ATRNL1: variants seen among roughly 807,000 people sequenced by gnomAD.
The protein encoded by ATRNL1 is attractin-like protein 1.
Under a neutral mutation model 182.7 loss-of-function variants are expected in ATRNL1, and 95 were observed. The observed-to-expected ratio is 0.52, with a 90% CI of 0.44 to 0.62. The LOEUF (loss-of-function observed/expected upper bound fraction) is 0.62, where lower values mean the gene tolerates loss of function less well. Ranked by LOEUF, ATRNL1 falls within the 20% of genes least tolerant of loss-of-function variation. The probability of loss-of-function intolerance (pLI) is 0.00; values close to 1 mark genes in which losing one functional copy is unlikely to be tolerated. For synonymous variants in ATRNL1, 576 were observed against 568.3 expected, an observed-to-expected ratio of 1.01 and a Z score of -0.19; for missense variants, 1,471 against 1,679.5, an observed-to-expected ratio of 0.88 and a Z score of 2.17.
At chr10:115,693,514 A>G (rs1946458013) in intron 26 of ATRNL1, among the ~76,000 whole-genome samples, 1 of 152,148 alleles carries the variant, frequency 6.6e-6, no homozygotes. Context: ...CAAGATTAAA[A>G]ACGCTATACA....
chr10:115,558,759 C>A (rs1320308493), intron 26 of ATRNL1, among the ~76,000 whole-genome samples: 1 of 152,132 alleles, frequency 6.6e-6, no homozygotes, highest in Non-Finnish European at 1.5e-5. Context: ...CTTAAGTTCC[C>A]TGTCTGCAGA....
chr10:115,513,978 C>A (rs781890305), intron 24 of ATRNL1, among the ~76,000 whole-genome samples: 4 of 151,846 alleles, frequency 2.6e-5, no homozygotes, highest in Non-Finnish European at 4.4e-5. Context: ...CTCTGAGTGT[C>A]CCTTGCATCA....
chr10:115,321,200 C>G (rs1554931376), intron 18 of ATRNL1, among the ~76,000 whole-genome samples: 1 of 152,070 alleles, frequency 6.6e-6, no homozygotes. Context: ...CCCTATTCAT[C>G]TGCTTCGCTC....
At chr10:115,553,574 T>C (rs781830151) in intron 26 of ATRNL1, among the ~76,000 whole-genome samples, 11 of 151,432 alleles carry the variant, frequency 7.3e-5, no homozygotes, top group Non-Finnish European at 1.6e-4. Flanking sequence ...CATAATACCC[T>C]ATCTCCCTGC....
At chr10:115,102,184 A>AT (rs1297426320) in intron 1 of ATRNL1, among the ~76,000 whole-genome samples, 1 of 152,172 alleles carries the variant, frequency 6.6e-6, no homozygotes, top group Non-Finnish European at 1.5e-5. Flanking sequence ...AAACTATGTT[A>AT]TTAGGTGCAT....
rs1380139709 is a variant in ATRNL1, at chr10:115,549,393, A to G, written c.3717-65A>G. On this transcript the variant is annotated intron_variant, in intron 25 of 28. Coordinates refer to ENST00000355044, the MANE Select transcript of ATRNL1 (RefSeq NM_207303.4). ...ATATATGTATTTGAGTCTTTCATGT[A>G]CTGTTTTTTCATTACATAGTTCAAA... 6.8e-6 allele frequency: 8 copies of G among 1,168,786 alleles called. No homozygotes were observed. In the Admixed American group the frequency reaches 1.8e-4, roughly 26 times the overall value. 72.4% of individuals were successfully genotyped at this position (1,168,786 alleles called of 1,614,324 possible).
rs782048195 is a variant in ATRNL1 at position 115,426,239 on chromosome 10, T to G, written c.3270-11T>G. 3.7e-6 allele frequency: 6 copies of G among 1,611,022 alleles called. No individual in the cohort carries two copies. Reference sequence around the variant, plus strand: ...TTGTTTAATAGTAAATGAGTTTTTGTGTTTCTGCAGATGTGACTCTGAAAA... The same window carrying G: ...TTGTTTAATAGTAAATGAGTTTTTGGGTTTCTGCAGATGTGACTCTGAAAA... On this transcript the variant is annotated splice_polypyrimidine_tract_variant and intron_variant, in intron 20 of 28. Transcript: ENST00000355044.
At chr10:115,250,016 A>G (rs901566520) in intron 10 of ATRNL1, among the ~76,000 whole-genome samples, 3 of 152,166 alleles carry the variant, frequency 2.0e-5, no homozygotes, top group Non-Finnish European at 4.4e-5. Flanking sequence ...TCAAGCTGGC[A>G]TATTTGTGTT....
chr10:115,892,589 G>A (rs1952106827), intron 28 of ATRNL1, among the ~76,000 whole-genome samples: 1 of 152,152 alleles, frequency 6.6e-6, no homozygotes, highest in Non-Finnish European at 1.5e-5. Context: ...GGCATAGCAA[G>A]CATATAATTT....
intron 17 of ATRNL1, among the ~76,000 whole-genome samples, chr10:115,311,814 G>A (rs1554927920): frequency 6.6e-6 from 1 of 151,700 alleles, no homozygotes; most frequent in African/African-American, 2.4e-5. Context: ...ATTTTAGATT[G>A]TAATATCTTC....
At chr10:115,588,701 C>T (rs368726162) in intron 26 of ATRNL1, among the ~76,000 whole-genome samples, 18 of 152,192 alleles carry the variant, frequency 1.2e-4, no homozygotes, top group East Asian at 7.7e-4. Context: ...TTTTCCTACC[C>T]GTGTTGGTGT....
chr10:115,722,599 G>T (rs1947464405), intron 26 of ATRNL1, among the ~76,000 whole-genome samples: 1 of 152,124 alleles, frequency 6.6e-6, no homozygotes, highest in African/African-American at 2.4e-5. Flanking sequence ...CTTATTTCAT[G>T]AATTGTTGCA....
chr10:115,508,932 A>T (rs566460900), intron 24 of ATRNL1, among the ~76,000 whole-genome samples: 4 of 152,224 alleles, frequency 2.6e-5, no homozygotes, highest in African/African-American at 7.2e-5. Flanking sequence ...GGAATTTTAT[A>T]GCAAAGAAGA....
chr10:115,383,752 G>A (rs1280429179), intron 19 of ATRNL1, among the ~76,000 whole-genome samples: 3 of 151,854 alleles, frequency 2.0e-5, no homozygotes, highest in Non-Finnish European at 4.4e-5. Context: ...AACAAATTAT[G>A]CTACTTTACA....
At chr10:115,505,538 G>A (rs949559494) in intron 24 of ATRNL1, among the ~76,000 whole-genome samples, 3 of 151,956 alleles carry the variant, frequency 2.0e-5, no homozygotes, top group African/African-American at 7.2e-5. Context: ...CTCCCCAAAA[G>A]GGAGCTAGGT....
At chr10:115,797,080 A>G (rs1949671580) in intron 27 of ATRNL1, among the ~76,000 whole-genome samples, 1 of 152,216 alleles carries the variant, frequency 6.6e-6, no homozygotes, top group Admixed American at 6.5e-5. Flanking sequence ...TAACAAACAT[A>G]AAGGCTTTAT....
intron 26 of ATRNL1, among the ~76,000 whole-genome samples, chr10:115,679,914 A>G (rs149479552): frequency 2.0e-5 from 3 of 152,240 alleles, no homozygotes; most frequent in Admixed American, 6.5e-5. Flanking sequence ...AAAGTAGTCA[A>G]CATACTCTAC....
chr10:115,748,502 T>C (rs1948357096), intron 27 of ATRNL1, among the ~76,000 whole-genome samples: 1 of 151,860 alleles, frequency 6.6e-6, no homozygotes, highest in Non-Finnish European at 1.5e-5. Context: ...GGTCTGGAAC[T>C]TTTTTCTGTC....
chr10:115,125,763 T>C (rs993127233), intron 3 of ATRNL1, among the ~76,000 whole-genome samples: 9 of 152,200 alleles, frequency 5.9e-5, no homozygotes, highest in African/African-American at 2.2e-4. Flanking sequence ...CGTGAAGGCC[T>C]TGTGTTTCAC....
Sources: gnomAD v4.1 joint callset for allele counts (sites outside exome capture counted in the v4.1 genomes callset) on GRCh38, gnomAD v4.1.1 for gene constraint, MANE v1.5 for transcripts, NCBI Gene and HGNC (gene_info 2026-07-23, HGNC 2026-07-21) for gene names.